TENM4: variants seen among roughly 807,000 people sequenced by gnomAD.
TENM4 encodes teneurin-4.
A neutral mutation model predicts 243.3 loss-of-function variants in TENM4; 82 were observed. The ratio of observed to expected loss-of-function variants is 0.34; its 90% CI spans 0.28 to 0.40. The LOEUF is 0.40. Among genes scored for constraint, TENM4 ranks in the 10% least tolerant of loss-of-function variants. The pLI is 1.00. For synonymous variants in TENM4, 1,412 were observed against 1,456.3 expected (o/e 0.97, Z 0.69); for missense variants, 3,138 against 3,673.3 (o/e 0.85, Z 3.77).
chr11:79,154,038 G>T (rs576955791), intron 3 of TENM4, among the ~76,000 whole-genome samples: 4 of 152,124 alleles, frequency 2.6e-5, no homozygotes, highest in Non-Finnish European at 4.4e-5. Context: ...AAAACCTGAA[G>T]GCTTATGTCA....
intron 2 of TENM4, among the ~76,000 whole-genome samples, chr11:79,296,627 C>G (rs538795498): frequency 6.6e-6 from 1 of 152,314 alleles, no homozygotes; most frequent in African/African-American, 2.4e-5. Context: ...GCTACAACTA[C>G]CAGGTGGAAC....
rs148576442 is a variant in TENM4, at chr11:79,431,857, G to A, written c.-321+8652C>T. ...ACTTGAATTACTCAGTAGTTGCCAT[G>A]TGTCAGCTATTGTTTTAGGAAATTT... On this transcript the variant is annotated intron_variant, in intron 1 of 33. Coordinates refer to ENST00000278550, the MANE Select transcript of TENM4 (RefSeq NM_001098816.3). Among the ~76,000 whole-genome samples the A allele has an allele frequency of 2.5e-3, 380 of 152,282 alleles. 3 individuals carry two copies. Among genetic ancestry groups the A allele is most frequent in the African/African-American group, 8.3e-3 (346 of 41,564 alleles).
chr11:79,273,952 T>C (rs1264273290), intron 2 of TENM4, among the ~76,000 whole-genome samples: 2 of 152,196 alleles, frequency 1.3e-5, no homozygotes, highest in Admixed American at 1.3e-4. Flanking sequence ...TGTGCACAGC[T>C]TGCCAGATCC....
At chr11:79,124,781 A>ATATGTGTATATATATGTATATG (rs1415790553) in intron 4 of TENM4, among the ~76,000 whole-genome samples, 25 of 145,280 alleles carry the variant, frequency 1.7e-4, no homozygotes, top group East Asian at 6.1e-4. Flanking sequence ...ATACACATAT[A>ATATGTGTATATATATGTATATG]TATGTGTATA....
At chr11:78,760,813 A>C (rs751421001) in intron 18 of TENM4, among the ~76,000 whole-genome samples, 3 of 152,074 alleles carry the variant, frequency 2.0e-5, no homozygotes, top group Non-Finnish European at 4.4e-5. Context: ...CCATCTTTTT[A>C]TCCGCGTTCT....
chr11:79,133,776 G>A (rs1015750490), intron 4 of TENM4, among the ~76,000 whole-genome samples: 1 of 152,124 alleles, frequency 6.6e-6, no homozygotes, highest in Non-Finnish European at 1.5e-5. Flanking sequence ...TGCAGAAAAA[G>A]CATTTGACAA....
At chr11:79,416,448 T>G (rs1422262682) in intron 1 of TENM4, among the ~76,000 whole-genome samples, 3 of 152,190 alleles carry the variant, frequency 2.0e-5, no homozygotes, top group African/African-American at 7.2e-5. Flanking sequence ...CGGTTTTAAT[T>G]TTCATTTCTC....
intron 6 of TENM4, among the ~76,000 whole-genome samples, chr11:78,980,606 A>T (rs566378039): frequency 6.6e-6 from 1 of 152,254 alleles, no homozygotes; most frequent in Non-Finnish European, 1.5e-5. Flanking sequence ...AACAGTAGCG[A>T]AGTCTGGCTT....
chr11:78,979,031 C>T (rs773920500), intron 6 of TENM4, among the ~76,000 whole-genome samples: 7 of 152,038 alleles, frequency 4.6e-5, no homozygotes, highest in Non-Finnish European at 8.8e-5. Context: ...GAGAAAGGTG[C>T]CTGTAGGGTA....
chr11:78,863,577 CA>C (rs1245873990), intron 9 of TENM4, among the ~76,000 whole-genome samples: 1 of 152,182 alleles, frequency 6.6e-6, no homozygotes, highest in Non-Finnish European at 1.5e-5. Context: ...AGCCCATAAT[CA>C]TATGAAAAGA....
intron 6 of TENM4, among the ~76,000 whole-genome samples, chr11:78,985,383 T>C (rs1857893840): frequency 6.6e-6 from 1 of 152,186 alleles, no homozygotes; most frequent in Non-Finnish European, 1.5e-5. Context: ...AGAGAATGTA[T>C]AGATTTTATA....
At chr11:79,105,736 T>A (rs1861349282) in intron 4 of TENM4, among the ~76,000 whole-genome samples, 1 of 152,162 alleles carries the variant, frequency 6.6e-6, no homozygotes. Flanking sequence ...AAACTTCAAT[T>A]TGGCAGCTAT....
chr11:78,741,905 A>G (rs547730172), intron 19 of TENM4, among the ~76,000 whole-genome samples: 3 of 152,094 alleles, frequency 2.0e-5, no homozygotes, highest in Non-Finnish European at 4.4e-5. Flanking sequence ...ATCCTCTATT[A>G]CCAGTCCTCT....
At chr11:79,394,946 A>G (rs1271611081) in intron 1 of TENM4, among the ~76,000 whole-genome samples, 1 of 152,234 alleles carries the variant, frequency 6.6e-6, no homozygotes, top group Non-Finnish European at 1.5e-5. Flanking sequence ...AACCAGACAG[A>G]GGCATGGAAC....
intron 4 of TENM4, among the ~76,000 whole-genome samples, chr11:79,122,491 C>A (rs1387634900): frequency 6.6e-6 from 1 of 152,138 alleles, no homozygotes; most frequent in Admixed American, 6.6e-5. Flanking sequence ...GAGATGTCCG[C>A]TGGGACTAGC....
Position 78,720,400 on chromosome 11 carries a change from G to A in TENM4, c.3801-10C>T, listed in dbSNP as rs1399352779. The A allele has an allele frequency of 1.2e-6, 2 of 1,613,798 alleles. No individual in the cohort carries two copies. Among genetic ancestry groups the A allele is most frequent in the African/African-American group, 2.7e-5 (2 of 74,950 alleles). ...TCTGAAATCTTTATTTCTGACAGAAGACAGGAGAGCAGGGAATAGAAGAAA... is the reference window on the plus strand; with the variant it reads ...TCTGAAATCTTTATTTCTGACAGAAAACAGGAGAGCAGGGAATAGAAGAAA... On this transcript the variant is annotated splice_polypyrimidine_tract_variant and intron_variant, in intron 24 of 33. Transcript: ENST00000278550.
intron 9 of TENM4, among the ~76,000 whole-genome samples, chr11:78,866,376 A>G (rs1858975219): frequency 6.6e-6 from 1 of 151,862 alleles, no homozygotes; most frequent in Non-Finnish European, 1.5e-5. Context: ...AATGAATAGA[A>G]CTCTCACAGC....
intron 6 of TENM4, among the ~76,000 whole-genome samples, chr11:79,040,338 T>G (rs1217106359): frequency 6.6e-6 from 1 of 152,190 alleles, no homozygotes; most frequent in African/African-American, 2.4e-5. Context: ...TTTCAACCAC[T>G]ATTCCCCTCT....
In TENM4 at chr11:78,903,313, G is replaced by A. The variant is rs1855977200; in HGVS notation, c.704C>T (p.Ala235Val). ...GCTGTTGAGCAGCCAGTTCTCCTGG[G>A]CGTGGGCAGGCTCCTGGGCGCCGCC... is the stretch of plus-strand genomic sequence containing the variant. ...PAGGAQEPAH[A>V]QENWLLNSNI... is the part of the protein sequence containing the mutation. The change falls in exon 7 of 34, where the codon GCC becomes GTC. Residue 235 changes from alanine to valine, a missense_variant. Ala to Val is a moderately conservative substitution (Grantham distance 64). Around this residue, in one of 2 missense-constraint regions of TENM4, gnomAD observed 671 missense variants for 614.1 expected, o/e 1.09. Transcript: ENST00000278550. 6.7e-7 allele frequency: 1 copy of A among 1,484,450 alleles called. No individual in the cohort carries two copies. The highest frequency in any genetic ancestry group is 2.8e-5 in the Admixed American group (1 of 36,168). The allele number at this position is 1,484,450 out of a possible 1,614,324, so 92.0% of individuals were successfully genotyped here.
Sources: allele counts gnomAD v4.1 joint callset (sites outside exome capture counted in the v4.1 genomes callset), GRCh38; gene constraint gnomAD v4.1.1; regional missense constraint gnomAD v4.1.1; transcripts MANE v1.5; gene names NCBI Gene and HGNC (gene_info 2026-07-23, HGNC 2026-07-21).